Variants in SOX5 observed in about 807,000 individuals in gnomAD.
SOX5 encodes the protein SRY-box transcription factor 5.
A neutral mutation model predicts 92.0 loss-of-function variants in SOX5; 9 were observed. That is an observed-to-expected ratio of 0.10 (90% confidence interval 0.06 to 0.17). The LOEUF is 0.17. Ranked by LOEUF, SOX5 falls within the 10% of genes least tolerant of loss-of-function variation. The probability of loss-of-function intolerance (pLI) is 1.00; values close to 1 mark genes in which losing one functional copy is unlikely to be tolerated. For synonymous variants in SOX5, 344 were observed against 336.3 expected (o/e 1.02, Z -0.25); for missense variants, 642 against 944.5 (o/e 0.68, Z 4.20).
Position 23,734,760 on chromosome 12 carries a change from G to T in SOX5, c.742-8C>A, listed in dbSNP as rs1286293910. 6.2e-7 allele frequency: 1 copy of T among 1,610,272 alleles called. No individual in the cohort carries two copies. Among genetic ancestry groups the T allele is most frequent in the Non-Finnish European group, 8.5e-7 (1 of 1,177,568 alleles). ...CTGCTGCTGTCTTGCAATCTGTGAAGAAATTGCACATGAGAAATTTACAAG... is the reference window on the plus strand; with the variant it reads ...CTGCTGCTGTCTTGCAATCTGTGAATAAATTGCACATGAGAAATTTACAAG... On this transcript the variant is annotated splice_region_variant and splice_polypyrimidine_tract_variant and intron_variant, in intron 5 of 14. Coordinates refer to ENST00000451604, the MANE Select transcript of SOX5 (RefSeq NM_006940.6).
intron 4 of SOX5, among the ~76,000 whole-genome samples, chr12:24,060,883 G>A (rs1939554372): frequency 6.6e-6 from 1 of 152,222 alleles, no homozygotes; most frequent in Non-Finnish European, 1.5e-5. Flanking sequence ...GACGATGACA[G>A]CAACTGAGCC....
At chr12:23,677,614 T>A (rs2085919652) in intron 6 of SOX5, among the ~76,000 whole-genome samples, 1 of 152,152 alleles carries the variant, frequency 6.6e-6, no homozygotes, top group Non-Finnish European at 1.5e-5. Flanking sequence ...TTCAAATCAA[T>A]AGCTGCATCC....
At position 24,205,707 on chromosome 12, in the gene SOX5, G is replaced by A. The variant is rs141647432; in HGVS notation, c.-2+7636C>T. On this transcript the variant is annotated intron_variant, in intron 4 of 4. Coordinates refer to the SOX5 transcript ENST00000446891. ...TGCTAGTAGGAAGGCAAGAAAAGGC[G>A]GTGGCTTCAATGGTTTCCAAATAGA... 1.6e-3 allele frequency among the ~76,000 whole-genome samples: 250 copies of A among 152,252 alleles called. 3 individuals are homozygous for A. Among genetic ancestry groups the A allele is most frequent in the Admixed American group, 5.0e-3 (76 of 15,282 alleles).
chr12:24,547,353 G>T (rs553507965), intron 1 of SOX5, among the ~76,000 whole-genome samples: 1 of 151,406 alleles, frequency 6.6e-6, no homozygotes, highest in African/African-American at 2.4e-5. Flanking sequence ...CACCGCGCCC[G>T]GCTAATTTTT....
intron 4 of SOX5, among the ~76,000 whole-genome samples, chr12:24,055,144 G>GA (rs1318628956): frequency 6.6e-6 from 1 of 152,136 alleles, no homozygotes; most frequent in Non-Finnish European, 1.5e-5. Context: ...TTTAGTTTGG[G>GA]AAAAAAGCCA....
intron 4 of SOX5, among the ~76,000 whole-genome samples, chr12:24,133,431 GGGTGAGGAACT>G (rs1490587877): frequency 6.6e-6 from 1 of 152,206 alleles, no homozygotes; most frequent in Admixed American, 6.5e-5. Context: ...TAATCAGATA[GGGTGAGGAACT>G]GCCTTCCCCT....
At chr12:24,422,203 G>C (rs148126528) in intron 1 of SOX5, among the ~76,000 whole-genome samples, 4 of 152,332 alleles carry the variant, frequency 2.6e-5, no homozygotes, top group African/African-American at 9.6e-5. Flanking sequence ...CATATCATGA[G>C]TAGTGTCTCA....
At chr12:24,489,640 C>CT (rs5797088) in intron 1 of SOX5, among the ~76,000 whole-genome samples, 80,687 of 151,962 alleles carry the variant, frequency 0.53, 22,666 homozygotes, top group East Asian at 0.89. Flanking sequence ...ATTCTTGCCC[C>CT]AGATCACTTA....
chr12:23,741,294 C>A (rs1215823205), intron 4 of SOX5, among the ~76,000 whole-genome samples: 1 of 152,130 alleles, frequency 6.6e-6, no homozygotes, highest in Non-Finnish European at 1.5e-5. Context: ...TCCATAATGA[C>A]CAAACATTTT....
At chr12:24,279,870 G>A (rs1356727273) in intron 2 of SOX5, among the ~76,000 whole-genome samples, 2 of 152,078 alleles carry the variant, frequency 1.3e-5, no homozygotes, top group African/African-American at 4.8e-5. Context: ...TAAACTGCAG[G>A]GGAGACAGAT....
intron 1 of SOX5, among the ~76,000 whole-genome samples, chr12:24,557,903 G>A (rs1176363190): frequency 6.6e-6 from 1 of 152,102 alleles, no homozygotes; most frequent in Non-Finnish European, 1.5e-5. Context: ...TTATTTAATG[G>A]TTATTTACAT....
chr12:24,246,489 G>A (rs1418616931), intron 3 of SOX5, among the ~76,000 whole-genome samples: 1 of 151,678 alleles, frequency 6.6e-6, no homozygotes, highest in Admixed American at 6.6e-5. Flanking sequence ...ACATTCTCAT[G>A]TTATCAACTT....
chr12:24,177,273 G>C (rs1218980407), intron 4 of SOX5, among the ~76,000 whole-genome samples: 1 of 152,144 alleles, frequency 6.6e-6, no homozygotes, highest in African/African-American at 2.4e-5. Context: ...CCCATAGCTG[G>C]CTTATACATG....
chr12:23,836,842 A>C (rs1013960192), intron 3 of SOX5, among the ~76,000 whole-genome samples: 1 of 151,950 alleles, frequency 6.6e-6, no homozygotes, highest in African/African-American at 2.4e-5. Context: ...TGTGGCATAT[A>C]TTTGTGAGCT....
chr12:23,809,819 A>G (rs955602533), intron 3 of SOX5, among the ~76,000 whole-genome samples: 3 of 150,578 alleles, frequency 2.0e-5, no homozygotes, highest in African/African-American at 4.9e-5. Flanking sequence ...ATAGACTCCA[A>G]TTGATAACAG....
intron 1 of SOX5, among the ~76,000 whole-genome samples, chr12:24,372,968 A>AAT (rs1956890511): frequency 6.6e-6 from 1 of 151,604 alleles, no homozygotes; most frequent in Non-Finnish European, 1.5e-5. Flanking sequence ...AAAAAAAAAA[A>AAT]ACTGCTGGGT....
chr12:24,550,470 G>A (rs1308366884), intron 1 of SOX5, among the ~76,000 whole-genome samples: 2 of 152,004 alleles, frequency 1.3e-5, no homozygotes, highest in Admixed American at 6.6e-5. Flanking sequence ...CAAACAGATG[G>A]AGCCATTTCT....
chr12:23,983,105 A>AT (rs62869160), intron 4 of SOX5, among the ~76,000 whole-genome samples: 25,180 of 145,086 alleles, frequency 0.17, 2,311 homozygotes, highest in Non-Finnish European at 0.22. Flanking sequence ...TCTGGAGTCC[A>AT]TTTTTTTTTT....
chr12:24,533,987 G>A (rs2138690447), intron 1 of SOX5, among the ~76,000 whole-genome samples: 1 of 152,226 alleles, frequency 6.6e-6, no homozygotes, highest in South Asian at 2.1e-4. Flanking sequence ...GTCCAAAGGA[G>A]GCTCAGATCC....
Sources: gnomAD v4.1 joint callset for allele counts (sites outside exome capture counted in the v4.1 genomes callset) on GRCh38, gnomAD v4.1.1 for gene constraint, MANE v1.5 for transcripts, NCBI Gene and HGNC (gene_info 2026-07-23, HGNC 2026-07-21) for gene names.